TP53I11: variants seen among roughly 807,000 people sequenced by gnomAD.
The protein encoded by TP53I11 is tumor protein p53-inducible protein 11.
A neutral mutation model predicts 23.3 loss-of-function variants in TP53I11; 9 were observed. The ratio of observed to expected loss-of-function variants is 0.39; its 90% CI spans 0.23 to 0.67. TP53I11 has a LOEUF of 0.67. Among genes scored for constraint, TP53I11 ranks in the 30% least tolerant of loss-of-function variants. The pLI, the probability that TP53I11 is intolerant of heterozygous loss-of-function variation, is 0.48. For synonymous variants in TP53I11, 100 were observed against 106.1 expected (o/e 0.94, Z 0.35); for missense variants, 170 against 255.2 (o/e 0.67, Z 2.27).
At chr11:44,937,714 G>A (rs1005000975) in intron 2 of TP53I11, 101 bp from the exon 3 acceptor site, 25 of 1,303,066 alleles carry the variant, frequency 1.9e-5, no homozygotes, top group Admixed American at 6.1e-5. Flanking sequence ...GACCAGCCTG[G>A]GCACCTCAGC....
chr11:44,934,833 C>G lies in TP53I11; in HGVS notation c.*51G>C. On this transcript the variant is annotated 3_prime_UTR_variant, in exon 7 of 7. Coordinates refer to ENST00000525680, the MANE Select transcript of TP53I11 (RefSeq NM_006034.5). Reference sequence around the variant, plus strand: ...CAGGAGCCAAAGGGAAGCCGAGGCCCCAGCGCCACTCTGGCCCAGGCATGG... The same window carrying G: ...CAGGAGCCAAAGGGAAGCCGAGGCCGCAGCGCCACTCTGGCCCAGGCATGG... The G allele has an allele frequency of 6.2e-7, 1 of 1,610,016 alleles. No individual in the cohort carries two copies. Among genetic ancestry groups the G allele is most frequent in the Non-Finnish European group, 8.5e-7 (1 of 1,177,850 alleles).
chr11:44,942,166 AAT>A (rs1861886317), intron 1 of TP53I11, among the ~76,000 whole-genome samples: 1 of 133,264 alleles, frequency 7.5e-6, no homozygotes, highest in Non-Finnish European at 1.6e-5. Context: ...CACCATACAC[AAT>A]GCACACACAA....
intron 1 of TP53I11, among the ~76,000 whole-genome samples, chr11:44,948,901 G>C (rs1862643481): frequency 6.6e-6 from 1 of 152,240 alleles, no homozygotes; most frequent in African/African-American, 2.4e-5. Context: ...AAGGGGCCTG[G>C]AGGCAGAGCT....
At chr11:44,948,497 G>A (rs560525992) in intron 1 of TP53I11, among the ~76,000 whole-genome samples, 6 of 152,176 alleles carry the variant, frequency 3.9e-5, no homozygotes, top group African/African-American at 1.2e-4. Flanking sequence ...CCGGTCCCTG[G>A]CCTCAATACC....
At chr11:44,948,571 G>A (rs1274761054) in intron 1 of TP53I11, among the ~76,000 whole-genome samples, 1 of 152,082 alleles carries the variant, frequency 6.6e-6, no homozygotes, top group Non-Finnish European at 1.5e-5. Flanking sequence ...GTTTTTATTA[G>A]GGAATTGCCT....
At chr11:44,935,499 A>C in intron 6 of TP53I11, 62 bp downstream of exon 6, 2 of 1,488,050 alleles carry the variant, frequency 1.3e-6, no homozygotes, top group Non-Finnish European at 1.9e-6. Context: ...AGGTGGCTAG[A>C]GCAGGCAGGT....
At chr11:44,937,761 G>A in intron 2 of TP53I11, 148 bp from the exon 3 acceptor site, 1 of 718,472 alleles carries the variant, frequency 1.4e-6, no homozygotes. Flanking sequence ...AGGGTCACAT[G>A]AGGCCACCCC....
rs1861151379 is a variant in TP53I11 at position 44,936,682 on chromosome 11, C to T, written c.334+121G>A. The T allele has an allele frequency of 7.3e-6, 10 of 1,368,280 alleles. No individual in the cohort carries two copies. The highest frequency in any genetic ancestry group is 9.5e-6 in the Non-Finnish European group (10 of 1,057,148). 84.8% of individuals were successfully genotyped at this position (1,368,280 alleles called of 1,614,324 possible). ...GCTTCATCAGAGGCCGGGGTGTGGG[C>T]GCAGCATCTGGCCGAAGAAAGGAAG... is the stretch of plus-strand genomic sequence containing the variant. On this transcript the variant is annotated intron_variant, in intron 5 of 6. Transcript: ENST00000525680. This position sits in a 1 kb window ranked among gnomAD's most constrained non-coding sequence, Gnocchi z 4.4.
chr11:44,943,882 G>A (rs1308357998), intron 1 of TP53I11, among the ~76,000 whole-genome samples: 1 of 152,236 alleles, frequency 6.6e-6, no homozygotes, highest in Non-Finnish European at 1.5e-5. Flanking sequence ...ATGAGCAGCT[G>A]TCAGGCTAAG....
Position 44,934,599 on chromosome 11 carries a change from T to G in TP53I11, c.*285A>C. ...CTTTAGTCAGTGTCTATTGAGGGGGTCTGGAGGCCAAGAGACCCAAGGAAA... is the reference window on the plus strand; with the variant it reads ...CTTTAGTCAGTGTCTATTGAGGGGGGCTGGAGGCCAAGAGACCCAAGGAAA... On this transcript the variant is annotated 3_prime_UTR_variant, in exon 7 of 7. Transcript: ENST00000525680. 1 of 402,112 alleles carries G rather than the reference T, an allele frequency of 2.5e-6. No individual in the cohort carries two copies. Among genetic ancestry groups the G allele is most frequent in the Non-Finnish European group, 4.7e-6 (1 of 214,700 alleles). The allele number at this position is 402,112 out of a possible 1,614,324, so 24.9% of individuals were successfully genotyped here.
chr11:44,948,063 G>A (rs1343427213), intron 1 of TP53I11, among the ~76,000 whole-genome samples: 1 of 152,096 alleles, frequency 6.6e-6, no homozygotes, highest in Non-Finnish European at 1.5e-5. Flanking sequence ...AGAGAGCAAG[G>A]GTCACTTTGG....
intron 1 of TP53I11, among the ~76,000 whole-genome samples, chr11:44,938,961 C>T (rs1861472667): frequency 6.6e-6 from 1 of 152,142 alleles, no homozygotes; most frequent in Non-Finnish European, 1.5e-5. Context: ...GACGGGGACA[C>T]TAAGGTGGTC....
intron 3 of TP53I11, 51 bp from the exon 4 acceptor site, chr11:44,937,403 T>A: frequency 1.4e-6 from 2 of 1,477,052 alleles, no homozygotes; most frequent in Non-Finnish European, 1.8e-6. Context: ...GACCCTCCCC[T>A]CTCCAGCCCA....
intron 1 of TP53I11, among the ~76,000 whole-genome samples, chr11:44,948,602 A>G (rs1862612870): frequency 6.6e-6 from 1 of 152,182 alleles, no homozygotes; most frequent in Admixed American, 6.5e-5. Flanking sequence ...CCTGCTTTTA[A>G]GCATCAGCTC....
chr11:44,944,167 G>A (rs1379026374), intron 1 of TP53I11, among the ~76,000 whole-genome samples: 1 of 152,176 alleles, frequency 6.6e-6, no homozygotes, highest in African/African-American at 2.4e-5. Context: ...TCTTGGCAGA[G>A]GACCTGGCAG....
At chr11:44,950,498 C>T (rs1484477145) in intron 1 of TP53I11, among the ~76,000 whole-genome samples, 179 bp downstream of exon 1, 1 of 151,972 alleles carries the variant, frequency 6.6e-6, no homozygotes, top group Non-Finnish European at 1.5e-5. Flanking sequence ...CCTGGGGTCC[C>T]AGCGGGCTCA....
chr11:44,947,030 A>C, intron 1 of TP53I11: 1 of 456,338 alleles, frequency 2.2e-6, no homozygotes, highest in South Asian at 1.5e-5. Flanking sequence ...AAATATGAAC[A>C]TTCCTTACTG....
chr11:44,945,744 G>A (rs1235619653), intron 1 of TP53I11, among the ~76,000 whole-genome samples: 1 of 152,172 alleles, frequency 6.6e-6, no homozygotes, highest in Non-Finnish European at 1.5e-5. Context: ...GGGGGGCGGG[G>A]TGCTGGCAGT....
chr11:44,935,366 CGT>C (rs1295699767), intron 6 of TP53I11, among the ~76,000 whole-genome samples, 193 bp downstream of exon 6: 1 of 152,144 alleles, frequency 6.6e-6, no homozygotes, highest in Non-Finnish European at 1.5e-5. Context: ...GCTACAGGCA[CGT>C]GTGTTAGGCA....
Sources: gnomAD v4.1 joint callset for allele counts (sites outside exome capture counted in the v4.1 genomes callset) on GRCh38, gnomAD v4.1.1 for gene constraint, Gnocchi (gnomAD v3.1) non-coding constraint, MANE v1.5 for transcripts, NCBI Gene and HGNC (gene_info 2026-07-23, HGNC 2026-07-21) for gene names.